ARHGAP21: variants seen among roughly 807,000 people sequenced by gnomAD.
ARHGAP21 encodes Rho GTPase activating protein 21.
Under a neutral mutation model 164.6 loss-of-function variants are expected in ARHGAP21, and 38 were observed. That is an observed-to-expected ratio of 0.23 (90% CI 0.18 to 0.30). ARHGAP21 has a LOEUF of 0.30. Ranked by LOEUF, ARHGAP21 falls within the 10% of genes least tolerant of loss-of-function variation. The pLI, the probability that ARHGAP21 is intolerant of heterozygous loss-of-function variation, is 1.00. For synonymous variants in ARHGAP21, 766 were observed against 857.9 expected (o/e 0.89, Z 1.87); for missense variants, 1,822 against 2,370.7 (o/e 0.77, Z 4.81).
chr10:24,587,106 G>A (rs1478924301), intron 25 of ARHGAP21, among the ~76,000 whole-genome samples: 1 of 152,176 alleles, frequency 6.6e-6, no homozygotes, highest in African/African-American at 2.4e-5. Context: ...AAACACTGTA[G>A]TGCAGTGTTA....
At chr10:24,684,061 C>T (rs1008586700) in intron 2 of ARHGAP21, among the ~76,000 whole-genome samples, 2 of 152,096 alleles carry the variant, frequency 1.3e-5, no homozygotes, top group African/African-American at 4.8e-5. Context: ...CCAAGGTGGG[C>T]GGATCGCTTC....
intron 2 of ARHGAP21, among the ~76,000 whole-genome samples, chr10:24,695,072 A>C (rs1042404966): frequency 5.3e-3 from 63 of 11,822 alleles, no homozygotes; most frequent in Middle Eastern, 0.042. Flanking sequence ...AAAAAAAAAA[A>C]AAAAAAAAAA....
chr10:24,687,814 G>A (rs1842356650), intron 2 of ARHGAP21, among the ~76,000 whole-genome samples: 3 of 152,094 alleles, frequency 2.0e-5, no homozygotes, highest in South Asian at 4.1e-4. Context: ...TACCAAGCAC[G>A]AATATAGGCT....
In ARHGAP21 at chr10:24,592,825, A is replaced by AT. The variant is rs1407949847; in HGVS notation, c.3877-814dup. Among the ~76,000 whole-genome samples the AT allele has an allele frequency of 2.0e-5, 3 of 152,124 alleles. No homozygotes were observed. In the East Asian group the frequency reaches 5.8e-4, roughly 29 times the overall value. ...CTGAAAAATACATGAAAGGTTATAG[A>AT]TTTTTCCCTCTAGTACATCAAAATC... On this transcript the variant is annotated intron_variant, in intron 21 of 25. Coordinates refer to ENST00000396432, the MANE Select transcript of ARHGAP21 (RefSeq NM_020824.4).
chr10:24,628,970 ATATATATATATATTTTTTTTTTTTTT>A (rs1347881042), intron 7 of ARHGAP21: 1 of 14,022 alleles, frequency 7.1e-5, no homozygotes, highest in Admixed American at 8.1e-4. Flanking sequence ...ATATATATAT[ATATATATATATATTTTTTTTTTTTTT>A]TTTTTTTTTT....
chr10:24,672,666 T>A (rs1449547129), intron 2 of ARHGAP21, among the ~76,000 whole-genome samples: 1 of 152,184 alleles, frequency 6.6e-6, no homozygotes, highest in Non-Finnish European at 1.5e-5. Context: ...GAATTGCAAA[T>A]GCTTGAATAG....
intron 4 of ARHGAP21, among the ~76,000 whole-genome samples, chr10:24,646,842 T>C (rs1049610461): frequency 7.2e-5 from 11 of 152,156 alleles, no homozygotes; most frequent in African/African-American, 2.7e-4. Flanking sequence ...CTCATAAATA[T>C]GTATAACTGT....
chr10:24,605,698 G>C (rs1373880922), intron 11 of ARHGAP21: 1 of 152,118 alleles, frequency 6.6e-6, no homozygotes, highest in Non-Finnish European at 1.5e-5. Context: ...ATAAAGATGT[G>C]AGTACTCCCC....
At chr10:24,589,331 G>C in intron 24 of ARHGAP21, 29 bp from the exon 25 acceptor site, 1 of 1,591,556 alleles carries the variant, frequency 6.3e-7, no homozygotes, top group Non-Finnish European at 8.6e-7. Context: ...AACATGGTCA[G>C]TATTAGCCAA....
intron 11 of ARHGAP21, among the ~76,000 whole-genome samples, chr10:24,605,120 A>G (rs1275695090): frequency 6.6e-6 from 1 of 152,310 alleles, no homozygotes; most frequent in East Asian, 1.9e-4. Flanking sequence ...ACCATATCAG[A>G]AGACACTGTA....
chr10:24,689,938 ATATGTATATGTGTG>A (rs1842606373), intron 2 of ARHGAP21, among the ~76,000 whole-genome samples: 1 of 124,072 alleles, frequency 8.1e-6, no homozygotes, highest in Non-Finnish European at 1.6e-5. Flanking sequence ...GTATATGTAT[ATATGTATATGTGTG>A]TGTGTGTGTG....
At chr10:24,589,126 ATTG>A in intron 25 of ARHGAP21, 142 bp downstream of exon 25, 3 of 746,874 alleles carry the variant, frequency 4.0e-6, no homozygotes, top group East Asian at 5.3e-5. Context: ...CTTATCATAT[ATTG>A]TTTTAGGAAT....
rs1326827637 is a variant in ARHGAP21, at chr10:24,607,402, A to AAACAT, written c.2684+92_2684+96dup. 12 of 1,013,444 alleles carry AAACAT rather than the reference A, an allele frequency of 1.2e-5. No homozygotes were observed. The African/African-American group carries it at 2.0e-4, about 16-fold the overall frequency. 62.8% of individuals were successfully genotyped at this position (1,013,444 alleles called of 1,614,324 possible). Reference sequence around the variant, plus strand: ...TTGCATTTCTAATGTCAAAGTTAGAAAACATAAGACATCATTAAATTCTGA... The same window carrying AAACAT: ...TTGCATTTCTAATGTCAAAGTTAGAAAACATAACATAAGACATCATTAAATTCTGA... On this transcript the variant is annotated intron_variant, in intron 11 of 25. Coordinates refer to ENST00000396432, the MANE Select transcript of ARHGAP21 (RefSeq NM_020824.4).
At chr10:24,590,570 A>G in intron 24 of ARHGAP21, 2 of 1,476,674 alleles carry the variant, frequency 1.4e-6, no homozygotes, top group Non-Finnish European at 1.8e-6. Flanking sequence ...AAGGGAGAAC[A>G]TTGTGTAAAA....
At chr10:24,703,644 G>A (rs748578741) in intron 2 of ARHGAP21, among the ~76,000 whole-genome samples, 19 of 152,114 alleles carry the variant, frequency 1.2e-4, no homozygotes, top group Admixed American at 2.6e-4. Context: ...TGCAACCTGA[G>A]AAACATGATG....
intron 8 of ARHGAP21, 22 bp from the exon 9 acceptor site, chr10:24,621,391 GTGT>G (rs776853204): frequency 2.0e-6 from 3 of 1,534,188 alleles, no homozygotes; most frequent in Non-Finnish European, 2.6e-6. Flanking sequence ...TGAGAGGAAG[GTGT>G]CACTGGAAAT....
chr10:24,721,931 C>T lies in ARHGAP21; in HGVS notation c.-32G>A. On this transcript the variant is annotated 5_prime_UTR_variant, in exon 2 of 26. Transcript: ENST00000396432. ...TCAAATGACAAAGAAGGGACAAATCCTTTGGAGTCCACATTGGACGTGGCG... is the reference window on the plus strand; with the variant it reads ...TCAAATGACAAAGAAGGGACAAATCTTTTGGAGTCCACATTGGACGTGGCG... 6.2e-7 allele frequency: 1 copy of T among 1,611,766 alleles called. No homozygotes were observed. Among genetic ancestry groups the T allele is most frequent in the South Asian group, 1.1e-5 (1 of 90,820 alleles).
At chr10:24,690,696 C>T (rs1024666434) in intron 2 of ARHGAP21, among the ~76,000 whole-genome samples, 9 of 151,936 alleles carry the variant, frequency 5.9e-5, no homozygotes, top group African/African-American at 2.2e-4. Context: ...GGTGTGGTAG[C>T]ATGTGCCTGT....
chr10:24,658,634 C>T (rs1839343415), intron 4 of ARHGAP21, among the ~76,000 whole-genome samples: 3 of 152,060 alleles, frequency 2.0e-5, no homozygotes, highest in African/African-American at 2.4e-5. Context: ...ACAATGAGAA[C>T]ACCTGTACAC....
Sources: allele counts gnomAD v4.1 joint callset (sites outside exome capture counted in the v4.1 genomes callset), GRCh38; gene constraint gnomAD v4.1.1; transcripts MANE v1.5; gene names NCBI Gene and HGNC (gene_info 2026-07-23, HGNC 2026-07-21).